The following NUAK1 variants were observed in gnomAD, a reference collection of about 807,000 sequenced individuals.
NUAK1 encodes the protein NUAK family kinase 1.
Under a neutral mutation model 56.9 loss-of-function variants are expected in NUAK1, and 26 were observed. The ratio of observed to expected loss-of-function variants is 0.46; its 90% CI spans 0.33 to 0.63. The LOEUF is 0.63. Among genes scored for constraint, NUAK1 ranks in the 30% least tolerant of loss-of-function variants. The probability of loss-of-function intolerance (pLI) is 0.02; values close to 1 mark genes in which losing one functional copy is unlikely to be tolerated. For missense variants in NUAK1, 727 were observed against 876.1 expected, an observed-to-expected ratio of 0.83 and a Z score of 2.15; for synonymous variants, 337 against 336.0, an observed-to-expected ratio of 1.00 and a Z score of -0.03.
intron 1 of NUAK1, among the ~76,000 whole-genome samples, chr12:106,115,889 G>C (rs2032912488): frequency 6.6e-6 from 1 of 152,160 alleles, no homozygotes; most frequent in Non-Finnish European, 1.5e-5. Flanking sequence ...TGGGGAGTGT[G>C]CTCATGCCCC....
At chr12:106,087,071 GGT>G (rs2032580188) in intron 2 of NUAK1, 186 bp from the exon 3 acceptor site, 4 of 594,374 alleles carry the variant, frequency 6.7e-6, no homozygotes, top group Non-Finnish European at 1.1e-5. Context: ...GGTGGAAAAT[GGT>G]GTGTGTCACC....
At chr12:106,122,739 C>G (rs2136480445) in intron 1 of NUAK1, among the ~76,000 whole-genome samples, 1 of 152,310 alleles carries the variant, frequency 6.6e-6, no homozygotes, top group South Asian at 2.1e-4. Flanking sequence ...ACTTGAGTTG[C>G]TTGGTTAAAA....
rs1266688649 is a variant in NUAK1 at position 106,064,207 on chromosome 12, G to A, written c.*2595C>T. 2 of 152,480 alleles carry A rather than the reference G, an allele frequency of 1.3e-5. No individual in the cohort carries two copies. The highest frequency in any genetic ancestry group is 2.9e-5 in the Non-Finnish European group (2 of 68,054). 9.4% of individuals were successfully genotyped at this position (152,480 alleles called of 1,614,324 possible). ...GGTAGGGATGACAGGACTTAATGAT[G>A]AAGCAGGGAGCTGCTTTAATGGCTT... On this transcript the variant is annotated 3_prime_UTR_variant, in exon 7 of 7. Coordinates refer to ENST00000261402, the MANE Select transcript of NUAK1 (RefSeq NM_014840.3).
chr12:106,069,586 G>A (rs1017458545), intron 6 of NUAK1, among the ~76,000 whole-genome samples: 29 of 152,208 alleles, frequency 1.9e-4, no homozygotes, highest in African/African-American at 7.0e-4. Context: ...ATTAAATAAG[G>A]TGTCTTTAAA....
rs141469016 is a variant in NUAK1 at position 106,135,060 on chromosome 12, T to C, written c.240+3354A>G. On this transcript the variant is annotated intron_variant, in intron 1 of 6. Transcript: ENST00000261402. ...AACTAAATTGATTAATGTCCCCTTT[T>C]GAGGTTTTATATAGATCACTGTATT... Among the ~76,000 whole-genome samples, 1,052 of 152,312 alleles carry C rather than the reference T, an allele frequency of 6.9e-3. 5 individuals are homozygous for C. The highest frequency in any genetic ancestry group is 0.017 in the Middle Eastern group (5 of 294).
At chr12:106,086,935 T>C (rs2032577920) in intron 2 of NUAK1, 50 bp from the exon 3 acceptor site, 1 of 1,589,080 alleles carries the variant, frequency 6.3e-7, no homozygotes, top group African/African-American at 1.3e-5. Context: ...GCCAACAAGC[T>C]CACTTATGCT....
At chr12:106,096,813 G>A (rs750435221) in intron 2 of NUAK1, among the ~76,000 whole-genome samples, 3 of 152,186 alleles carry the variant, frequency 2.0e-5, no homozygotes, top group Non-Finnish European at 4.4e-5. Context: ...AGCAGGGCTC[G>A]TTTTCTCTTT....
intron 1 of NUAK1, among the ~76,000 whole-genome samples, chr12:106,114,308 T>C (rs1190437352): frequency 6.6e-6 from 1 of 152,214 alleles, no homozygotes; most frequent in East Asian, 1.9e-4. Flanking sequence ...CATCTGCACC[T>C]TGGGCTTGTC....
At position 106,138,142 on chromosome 12, in the gene NUAK1, CATT is replaced by C. The variant is rs1238023595; in HGVS notation, c.240+269_240+271del. Among the ~76,000 whole-genome samples the C allele has an allele frequency of 6.6e-6, 1 of 152,220 alleles. No individual in the cohort carries two copies. Among genetic ancestry groups the C allele is most frequent in the Non-Finnish European group, 1.5e-5 (1 of 68,036 alleles). ...CTGCAAAGTGTTTGCAAATCTAAAACATTCCTTTGCTGCTAGGATTAAATTTTT... is the reference window on the plus strand; with the variant it reads ...CTGCAAAGTGTTTGCAAATCTAAAACCCTTTGCTGCTAGGATTAAATTTTT... On this transcript the variant is annotated intron_variant, in intron 1 of 6. Transcript: ENST00000261402. The surrounding 1 kb of genome is among the most constrained non-coding windows in gnomAD (Gnocchi z 5.0).
rs1410091554 is a variant in NUAK1, at chr12:106,074,016, C to T, written c.580-1173G>A. Reference sequence around the variant, plus strand: ...ACATATATATGTATATGTATATGTACACATATGTACAAATATACACATATA... The same window carrying T: ...ACATATATATGTATATGTATATGTATACATATGTACAAATATACACATATA... On this transcript the variant is annotated intron_variant, in intron 4 of 6. Coordinates refer to ENST00000261402, the MANE Select transcript of NUAK1 (RefSeq NM_014840.3). 2.0e-5 allele frequency among the ~76,000 whole-genome samples: 3 copies of T among 151,970 alleles called. No homozygotes were observed. The East Asian group carries it at 5.8e-4, about 29-fold the overall frequency.
Position 106,086,811 on chromosome 12 carries a change from C to T in NUAK1, c.436G>A (p.Glu146Lys), listed in dbSNP as rs1322837007. ...TCCCTCTCACTGAGGCGTCGCCGCT[C>T]ACTGATGTAATCGTACAGCTCCCCT... ...SKGELYDYIS[E>K]RRRLSERETR... Residue 146 changes from glutamate (E) to lysine (K), a missense_variant, in exon 3 of 7, where the codon GAG (glutamate) becomes AAG (lysine). Physicochemically the swap from Glu to Lys is moderately conservative, Grantham distance 56 (BLOSUM62 1). Transcript: ENST00000261402. 1.2e-6 allele frequency: 2 copies of T among 1,614,082 alleles called. No individual in the cohort carries two copies. The highest frequency in any genetic ancestry group is 1.7e-6 in the Non-Finnish European group (2 of 1,180,030).
chr12:106,118,359 G>C (rs528246517), intron 1 of NUAK1, among the ~76,000 whole-genome samples: 2 of 152,316 alleles, frequency 1.3e-5, no homozygotes, highest in African/African-American at 4.8e-5. Flanking sequence ...GCTTCCACTG[G>C]ACCACGCCTG....
intron 1 of NUAK1, among the ~76,000 whole-genome samples, chr12:106,116,517 C>G (rs1265921864): frequency 6.6e-6 from 1 of 152,214 alleles, no homozygotes; most frequent in Non-Finnish European, 1.5e-5. Flanking sequence ...TAAATTCTTA[C>G]AAAAACATTA....
intron 4 of NUAK1, among the ~76,000 whole-genome samples, chr12:106,077,424 G>C (rs1276444243): frequency 1.3e-5 from 2 of 152,196 alleles, no homozygotes; most frequent in African/African-American, 2.4e-5. Context: ...CTGATGGTTT[G>C]GCCGACTTAA....
intron 2 of NUAK1, chr12:106,103,970 C>T (rs1246149578): frequency 6.6e-6 from 1 of 152,210 alleles, no homozygotes; most frequent in African/African-American, 2.4e-5. Flanking sequence ...AAATCTCTTT[C>T]CTTTATAAAT....
intron 2 of NUAK1, among the ~76,000 whole-genome samples, chr12:106,103,862 T>C (rs1836438877): frequency 6.6e-6 from 1 of 152,184 alleles, no homozygotes; most frequent in African/African-American, 2.4e-5. Context: ...GCACTTATCC[T>C]TCCTCTGTCC....
At chr12:106,112,747 G>A (rs1371633579) in intron 1 of NUAK1, among the ~76,000 whole-genome samples, 1 of 147,036 alleles carries the variant, frequency 6.8e-6, no homozygotes, top group Non-Finnish European at 1.5e-5. Flanking sequence ...TGGATTGGAA[G>A]CCAAGAGTTG....
chr12:106,132,472 CA>C (rs1245248058), intron 1 of NUAK1, among the ~76,000 whole-genome samples: 1 of 152,226 alleles, frequency 6.6e-6, no homozygotes, highest in African/African-American at 2.4e-5. Context: ...TACCTTGACT[CA>C]AACCCTTATC....
At chr12:106,136,877 AC>A (rs1474978823) in intron 1 of NUAK1, among the ~76,000 whole-genome samples, 19 of 152,210 alleles carry the variant, frequency 1.2e-4, no homozygotes, top group African/African-American at 4.1e-4. Flanking sequence ...CTCTTCTTCC[AC>A]AAACCTGAAA....
Sources: gnomAD v4.1 joint callset for allele counts (sites outside exome capture counted in the v4.1 genomes callset) on GRCh38, gnomAD v4.1.1 for gene constraint, Gnocchi (gnomAD v3.1) non-coding constraint, MANE v1.5 for transcripts, NCBI Gene and HGNC (gene_info 2026-07-23, HGNC 2026-07-21) for gene names.